Variants in STAC observed in about 807,000 individuals in gnomAD.
STAC encodes SH3 and cysteine-rich domain-containing protein.
Under a neutral mutation model 48.8 loss-of-function variants are expected in STAC, and 43 were observed. The observed-to-expected ratio is 0.88, with a 90% CI of 0.69 to 1.14. The LOEUF is 1.14. STAC is among the 50% of genes most tolerant of loss of function. STAC has a pLI of 0.00. For synonymous variants in STAC, 193 were observed against 179.5 expected (o/e 1.07, Z -0.60); for missense variants, 497 against 504.0 (o/e 0.99, Z 0.13).
intron 2 of STAC, among the ~76,000 whole-genome samples, chr3:36,451,123 T>C (rs900575298): frequency 2.0e-5 from 3 of 152,228 alleles, no homozygotes; most frequent in Admixed American, 1.3e-4. Flanking sequence ...TTGTGTTTCC[T>C]TCCATTTTGT....
intron 2 of STAC, among the ~76,000 whole-genome samples, chr3:36,468,748 ATATGTG>A (rs1355593727): frequency 7.2e-6 from 1 of 138,856 alleles, no homozygotes; most frequent in Non-Finnish European, 1.5e-5. Context: ...TAAAATACAT[ATATGTG>A]TGTGTGTGTG....
At chr3:36,391,005 G>T (rs543349211) in intron 1 of STAC, among the ~76,000 whole-genome samples, 1 of 152,250 alleles carries the variant, frequency 6.6e-6, no homozygotes, top group South Asian at 2.1e-4. Flanking sequence ...TAGGAGGACA[G>T]CCCTGGGAAC....
intron 2 of STAC, among the ~76,000 whole-genome samples, chr3:36,468,891 T>C (rs1320615533): frequency 6.6e-6 from 1 of 151,888 alleles, no homozygotes; most frequent in African/African-American, 2.4e-5. Flanking sequence ...TGTTTTGTCT[T>C]ATGTAAGAAT....
intron 3 of STAC, among the ~76,000 whole-genome samples, chr3:36,484,372 T>C (rs1174821516): frequency 6.6e-6 from 1 of 152,198 alleles, no homozygotes; most frequent in Non-Finnish European, 1.5e-5. Context: ...ATCTATTTAC[T>C]CTGATTTGCA....
chr3:36,442,739 T>TACACACACACACAC (rs10528748), intron 1 of STAC, among the ~76,000 whole-genome samples: 1 of 133,402 alleles, frequency 7.5e-6, no homozygotes, highest in African/African-American at 2.9e-5. Flanking sequence ...TCCTATGTCC[T>TACACACACACACAC]ACACACACAC....
chr3:36,510,042 A>T (rs930637295), intron 8 of STAC, among the ~76,000 whole-genome samples: 1 of 152,110 alleles, frequency 6.6e-6, no homozygotes, highest in Non-Finnish European at 1.5e-5. Flanking sequence ...AATGGGAGAA[A>T]ATTTTTGCAA....
intron 7 of STAC, 22 bp from the exon 8 acceptor site, chr3:36,505,724 T>A: frequency 2.7e-6 from 4 of 1,497,380 alleles, no homozygotes; most frequent in Non-Finnish European, 3.7e-6. Flanking sequence ...TTTTCTCATT[T>A]TTCTTTTATT....
At chr3:36,511,840 G>C (rs1052029674) in intron 8 of STAC, among the ~76,000 whole-genome samples, 1 of 152,146 alleles carries the variant, frequency 6.6e-6, no homozygotes, top group Non-Finnish European at 1.5e-5. Context: ...TAAATAGTGA[G>C]AGCCACTGAA....
chr3:36,481,357 G>T (rs1411491927), intron 2 of STAC, among the ~76,000 whole-genome samples: 1 of 152,156 alleles, frequency 6.6e-6, no homozygotes, highest in Non-Finnish European at 1.5e-5. Flanking sequence ...AAATAGAGAT[G>T]ATTTGATTAC....
At chr3:36,515,632 T>C (rs1310904763) in intron 8 of STAC, among the ~76,000 whole-genome samples, 1 of 152,156 alleles carries the variant, frequency 6.6e-6, no homozygotes, top group African/African-American at 2.4e-5. Context: ...ATTTGTCTGG[T>C]GTTCAGCAGT....
chr3:36,506,892 T>C (rs1698415738), intron 8 of STAC, among the ~76,000 whole-genome samples: 2 of 152,226 alleles, frequency 1.3e-5, no homozygotes, highest in Non-Finnish European at 2.9e-5. Context: ...TGACTTCCTC[T>C]CTTTCTATTT....
chr3:36,454,327 C>T (rs144523603), intron 2 of STAC, among the ~76,000 whole-genome samples: 1 of 151,922 alleles, frequency 6.6e-6, no homozygotes, highest in Non-Finnish European at 1.5e-5. Flanking sequence ...CAACTCCAGA[C>T]GCGTCGCCTT....
chr3:36,485,877 C>T (rs948866273), intron 4 of STAC: 34 of 315,848 alleles, frequency 1.1e-4, no homozygotes, highest in Non-Finnish European at 1.6e-4. Context: ...AGAGGAATAA[C>T]GAAAGAGGAA....
At chr3:36,440,670 G>A (rs1451927316) in intron 1 of STAC, among the ~76,000 whole-genome samples, 1 of 152,212 alleles carries the variant, frequency 6.6e-6, no homozygotes, top group African/African-American at 2.4e-5. Context: ...ACTTTTGATA[G>A]ATTGAGATGC....
chr3:36,427,262 T>C (rs1056181293), intron 1 of STAC, among the ~76,000 whole-genome samples: 16 of 152,220 alleles, frequency 1.1e-4, no homozygotes, highest in Non-Finnish European at 2.2e-4. Flanking sequence ...TGTGAGCCTG[T>C]GAAACACCTC....
intron 1 of STAC, among the ~76,000 whole-genome samples, chr3:36,426,425 A>G (rs1700565267): frequency 6.6e-6 from 1 of 152,250 alleles, no homozygotes; most frequent in Non-Finnish European, 1.5e-5. Context: ...TATTTAATCA[A>G]AAACCATTTA....
rs1396428274 is a variant in STAC at position 36,443,754 on chromosome 3, T to C, written c.388+114T>C. ...AGATGCTAGGCCTCAGAGATTTACA[T>C]GTGGGAAGATCATTCAGGAGTGCTT... On this transcript the variant is annotated intron_variant, in intron 2 of 10. Coordinates refer to ENST00000273183, the MANE Select transcript of STAC (RefSeq NM_003149.3). This position sits in a 1 kb window ranked among gnomAD's most constrained non-coding sequence, Gnocchi z 4.2. The C allele has an allele frequency of 7.4e-7, 1 of 1,351,514 alleles. No homozygotes were observed. The highest frequency in any genetic ancestry group is 1.0e-6 in the Non-Finnish European group (1 of 986,462). The allele number at this position is 1,351,514 out of a possible 1,614,324, so 83.7% of individuals were successfully genotyped here.
intron 8 of STAC, among the ~76,000 whole-genome samples, 188 bp from the exon 9 acceptor site, chr3:36,528,508 A>T (rs7427538): frequency 0.063 from 9,626 of 152,104 alleles, 421 homozygotes; most frequent in Non-Finnish European, 0.09. Flanking sequence ...TACAGCATAA[A>T]ATCATGTTTG....
chr3:36,479,400 T>C (rs1575228063), intron 2 of STAC, among the ~76,000 whole-genome samples: 1 of 152,186 alleles, frequency 6.6e-6, no homozygotes, highest in South Asian at 2.1e-4. Flanking sequence ...CTTCCAAATA[T>C]ATGTTAAACT....
Sources: gnomAD v4.1 joint callset for allele counts (sites outside exome capture counted in the v4.1 genomes callset) on GRCh38, gnomAD v4.1.1 for gene constraint, Gnocchi (gnomAD v3.1) non-coding constraint, MANE v1.5 for transcripts, NCBI Gene and HGNC (gene_info 2026-07-23, HGNC 2026-07-21) for gene names.